SYNDIG1: variants seen among roughly 807,000 people sequenced by gnomAD.
SYNDIG1 encodes synapse differentiation inducing 1, also known as synapse differentiation-inducing gene protein 1.
Under a neutral mutation model 19.4 loss-of-function variants are expected in SYNDIG1, and 9 were observed. The observed-to-expected ratio is 0.46, with a 90% CI of 0.28 to 0.81. The LOEUF (loss-of-function observed/expected upper bound fraction) is 0.81. Ranked by LOEUF, SYNDIG1 falls within the 30% of genes least tolerant of loss-of-function variation. The pLI is 0.12. For synonymous variants in SYNDIG1, 141 were observed against 145.9 expected (o/e 0.97, Z 0.24); for missense variants, 311 against 343.3 (o/e 0.91, Z 0.74).
At chr20:24,606,905 A>T (rs533193467) in intron 3 of SYNDIG1, among the ~76,000 whole-genome samples, 2 of 152,344 alleles carry the variant, frequency 1.3e-5, no homozygotes, top group South Asian at 2.1e-4. Context: ...TGATTCTGGG[A>T]TCTTCATTTT....
chr20:24,630,675 G>A (rs1600794781), intron 3 of SYNDIG1, among the ~76,000 whole-genome samples: 2 of 152,208 alleles, frequency 1.3e-5, no homozygotes, highest in South Asian at 2.1e-4. Flanking sequence ...CACTCCTGAG[G>A]TCCTGGGTCC....
Position 24,562,928 on chromosome 20 carries a change from A to G in SYNDIG1, c.480+19351A>G, listed in dbSNP as rs528375856. Among the ~76,000 whole-genome samples, 4 of 136,710 alleles carry G rather than the reference A, an allele frequency of 2.9e-5. No individual in the cohort carries two copies. The South Asian group carries it at 1.0e-3, about 34-fold the overall frequency. The allele number at this position is 136,710 out of a possible 152,430, so 89.7% of individuals were successfully genotyped here. ...TATGAGTGAAATACCTTCTGACACAAGTAATTGTGACAAATGTAGTTTGAG... is the reference window on the plus strand; with the variant it reads ...TATGAGTGAAATACCTTCTGACACAGGTAATTGTGACAAATGTAGTTTGAG... On this transcript the variant is annotated intron_variant, in intron 2 of 3. Transcript: ENST00000376862.
intron 1 of SYNDIG1, among the ~76,000 whole-genome samples, chr20:24,502,975 T>G (rs1027299229): frequency 6.6e-6 from 1 of 152,246 alleles, no homozygotes; most frequent in Non-Finnish European, 1.5e-5. Flanking sequence ...GGCACAATTA[T>G]GTTCAGTGAT....
intron 3 of SYNDIG1, among the ~76,000 whole-genome samples, chr20:24,653,837 G>C (rs116080865): frequency 0.01 from 1,564 of 152,294 alleles, 20 homozygotes; most frequent in African/African-American, 0.036. Flanking sequence ...GCGACTTCAC[G>C]GGGTCATCCC....
intron 3 of SYNDIG1, among the ~76,000 whole-genome samples, chr20:24,629,491 C>T (rs529912410): frequency 6.6e-6 from 1 of 151,944 alleles, no homozygotes; most frequent in Admixed American, 6.6e-5. Flanking sequence ...AGGAGGGAGG[C>T]AGAGGAGGAG....
chr20:24,603,259 C>T (rs1036763803), intron 3 of SYNDIG1, among the ~76,000 whole-genome samples: 9 of 152,148 alleles, frequency 5.9e-5, no homozygotes, highest in South Asian at 2.1e-4. Flanking sequence ...AGAGATTGTT[C>T]GTGGCTAGGA....
At chr20:24,601,029 G>A (rs1212559632) in intron 3 of SYNDIG1, among the ~76,000 whole-genome samples, 1 of 152,022 alleles carries the variant, frequency 6.6e-6, no homozygotes, top group Non-Finnish European at 1.5e-5. Context: ...GGCTCTTTAG[G>A]TAACTCATTT....
chr20:24,522,965 C>T (rs553609584), intron 1 of SYNDIG1, among the ~76,000 whole-genome samples: 94 of 152,332 alleles, frequency 6.2e-4, no homozygotes, highest in African/African-American at 2.1e-3. Context: ...AGGAATTCAC[C>T]CCCATGACCC....
At chr20:24,475,947 G>A (rs1031242558) in intron 1 of SYNDIG1, among the ~76,000 whole-genome samples, 3 of 150,282 alleles carry the variant, frequency 2.0e-5, no homozygotes, top group Admixed American at 6.7e-5. Flanking sequence ...TGCAACCTCC[G>A]CCTCCCGGGT....
chr20:24,619,070 G>A (rs1453063378), intron 3 of SYNDIG1, among the ~76,000 whole-genome samples: 1 of 152,172 alleles, frequency 6.6e-6, no homozygotes, highest in East Asian at 1.9e-4. Flanking sequence ...CAGGAGTGTT[G>A]AAGCCTCCTG....
At chr20:24,661,364 AAACCGAGGGAAGAGG>A (rs2059586111) in intron 3 of SYNDIG1, among the ~76,000 whole-genome samples, 1 of 112,922 alleles carries the variant, frequency 8.9e-6, no homozygotes, top group African/African-American at 3.3e-5. Context: ...GAGGGAGGGA[AAACCGAGGGAAGAGG>A]GAGGGAGGAA....
intron 3 of SYNDIG1, among the ~76,000 whole-genome samples, chr20:24,640,515 A>AAGGG (rs2059365461): frequency 7.1e-6 from 1 of 141,318 alleles, no homozygotes; most frequent in South Asian, 2.3e-4. Flanking sequence ...GGAAGGAAGG[A>AAGGG]AGGAAGGAAG....
chr20:24,505,577 C>A (rs1044890814), intron 1 of SYNDIG1, among the ~76,000 whole-genome samples: 4 of 152,206 alleles, frequency 2.6e-5, no homozygotes, highest in African/African-American at 9.7e-5. Context: ...AATTGCAGAG[C>A]AGACTGGGTC....
intron 2 of SYNDIG1, among the ~76,000 whole-genome samples, chr20:24,554,056 A>G (rs1381179400): frequency 6.6e-6 from 1 of 152,116 alleles, no homozygotes; most frequent in Non-Finnish European, 1.5e-5. Context: ...TAAGTATTTT[A>G]TTCTCTTTGA....
At chr20:24,536,269 C>T (rs917475623) in intron 1 of SYNDIG1, among the ~76,000 whole-genome samples, 10 of 152,158 alleles carry the variant, frequency 6.6e-5, no homozygotes, top group African/African-American at 1.2e-4. Context: ...GTGAAATTAC[C>T]GGGGAGCCAC....
intron 2 of SYNDIG1, among the ~76,000 whole-genome samples, chr20:24,583,469 G>T (rs2058363164): frequency 6.6e-6 from 1 of 152,250 alleles, no homozygotes; most frequent in Admixed American, 6.5e-5. Context: ...CCAAGAGGAA[G>T]TGAGCGACTA....
intron 2 of SYNDIG1, among the ~76,000 whole-genome samples, chr20:24,553,383 C>T (rs1223266290): frequency 6.6e-6 from 1 of 152,162 alleles, no homozygotes; most frequent in Non-Finnish European, 1.5e-5. Flanking sequence ...GAAGTCCTTG[C>T]CCATGCCTGT....
chr20:24,525,927 G>T (rs2057114569), intron 1 of SYNDIG1, among the ~76,000 whole-genome samples: 1 of 152,116 alleles, frequency 6.6e-6, no homozygotes, highest in African/African-American at 2.4e-5. Context: ...TGGAATTTGA[G>T]AATTGTTGTA....
chr20:24,490,311 A>T (rs2146304497), intron 1 of SYNDIG1, among the ~76,000 whole-genome samples: 1 of 152,212 alleles, frequency 6.6e-6, no homozygotes, highest in South Asian at 2.1e-4. Context: ...GAGCTATTTC[A>T]CCTAAAATAG....
Sources: allele counts gnomAD v4.1 joint callset (sites outside exome capture counted in the v4.1 genomes callset), GRCh38; gene constraint gnomAD v4.1.1; transcripts MANE v1.5; gene names NCBI Gene and HGNC (gene_info 2026-07-23, HGNC 2026-07-21).